The following DEGS2 variants were observed in gnomAD, a reference collection of about 807,000 sequenced individuals.
DEGS2 encodes the protein delta 4-desaturase, sphingolipid 2.
A neutral mutation model predicts 23.8 loss-of-function variants in DEGS2; 19 were observed. That is an observed-to-expected ratio of 0.80 (90% confidence interval 0.56 to 1.17). The LOEUF (loss-of-function observed/expected upper bound fraction) is 1.17. Ranked by LOEUF, DEGS2 falls within the 50% of genes most tolerant of loss-of-function variation. The probability of loss-of-function intolerance (pLI) is 0.00; values close to 1 mark genes in which losing one functional copy is unlikely to be tolerated. For synonymous variants in DEGS2, 218 were observed against 213.7 expected (o/e 1.02, Z -0.18); for missense variants, 390 against 459.5 (o/e 0.85, Z 1.38).
At chr14:100,162,372 A>AAAAT (rs146229259), upstream of DEGS2, among the ~76,000 whole-genome samples, 1 of 150,748 alleles carries the variant, frequency 6.6e-6, no homozygotes, top group East Asian at 2.0e-4. Context: ...AAAAATAAAT[A>AAAAT]AAATAAATAA....
chr14:100,162,489 G>A (rs73349596), upstream of DEGS2, among the ~76,000 whole-genome samples: 1 of 152,164 alleles, frequency 6.6e-6, no homozygotes, highest in African/African-American at 2.4e-5. Context: ...GGCTGGTCTT[G>A]AACTCCTGGA....
upstream of DEGS2, chr14:100,159,664 C>A: frequency 2.1e-6 from 2 of 973,148 alleles, no homozygotes; most frequent in Non-Finnish European, 1.4e-6. Flanking sequence ...CGGCGCGGAA[C>A]CAGCTCTGAT....
rs1595272708 is a variant in DEGS2, at chr14:100,146,502, A to T, written c.*259T>A. 2.1e-6 allele frequency: 1 copy of T among 476,564 alleles called. No homozygotes were observed. Among genetic ancestry groups the T allele is most frequent in the East Asian group, 3.9e-5 (1 of 25,474 alleles). The allele number at this position is 476,564 out of a possible 1,614,324, so 29.5% of individuals were successfully genotyped here. ...TGGGAACCGTGGGCTCAGAGCACCC[A>T]GGTCATGGTGGGGCAGGGCCAGGCC... is the stretch of plus-strand genomic sequence containing the variant. On this transcript the variant is annotated 3_prime_UTR_variant, in exon 3 of 3. Transcript: ENST00000305631.
chr14:100,153,595 G>A (rs541570923), intron 1 of DEGS2, among the ~76,000 whole-genome samples: 1 of 152,338 alleles, frequency 6.6e-6, no homozygotes, highest in Admixed American at 6.5e-5. Flanking sequence ...GGCCCAGCCT[G>A]GGAACTCTGT....
chr14:100,149,604 C>G lies in DEGS2; in HGVS notation c.189G>C (p.Gly63=). 1 of 1,610,492 alleles carries G rather than the reference C, an allele frequency of 6.2e-7. No homozygotes were observed. Among genetic ancestry groups the G allele is most frequent in the Non-Finnish European group, 8.5e-7 (1 of 1,179,292 alleles). ...AGAACAGCAGCCAGCGCCAGGCCAGCCCGCGCACCAGCCAGCAGGCCAGCA... is the reference window on the plus strand; with the variant it reads ...AGAACAGCAGCCAGCGCCAGGCCAGGCCGCGCACCAGCCAGCAGGCCAGCA... ...VQMLACWLVR[G]LAWRWLLFWA... The change falls in exon 2 of 3, where the codon GGG becomes GGC. Residue 63 remains glycine (G), a synonymous_variant. Transcript: ENST00000305631.
chr14:100,157,166 CACACCTACTCTGCCTGGTAGGACG>C (rs920074296), intron 1 of DEGS2, among the ~76,000 whole-genome samples: 11 of 152,226 alleles, frequency 7.2e-5, no homozygotes, highest in Admixed American at 7.2e-4. Flanking sequence ...ATCTCATCCT[CACACCTACTCTGCCTGGTAGGACG>C]ACTGCCCGTT....
chr14:100,159,564 G>A lies in DEGS2; in HGVS notation c.24C>T (p.Ser8=), dbSNP rs1483606053. 3 of 1,505,264 alleles carry A rather than the reference G, an allele frequency of 2.0e-6. No homozygotes were observed. Among genetic ancestry groups the A allele is most frequent in the Non-Finnish European group, 2.7e-6 (3 of 1,128,632 alleles). The allele number at this position is 1,505,264 out of a possible 1,614,324, so 93.2% of individuals were successfully genotyped here. ...GGTCGGTGTAGACCCACTCGAAGTC[G>A]CTGCGGCTCGCGCTGTTGCCCATGG... MGNSASR[S]DFEWVYTDQP... is the part of the protein sequence containing the mutation. Residue 8 remains serine, a synonymous_variant, in exon 1 of 3, where the codon AGC becomes AGT. Coordinates refer to ENST00000305631, the MANE Select transcript of DEGS2 (RefSeq NM_206918.3).
At chr14:100,156,808 G>A (rs1181473545) in intron 1 of DEGS2, among the ~76,000 whole-genome samples, 1 of 108,254 alleles carries the variant, frequency 9.2e-6, no homozygotes, top group Non-Finnish European at 1.9e-5. Flanking sequence ...GGCAGAGCAG[G>A]GAGGAGGGAC....
At chr14:100,162,719 A>T (rs1028786979), upstream of DEGS2, among the ~76,000 whole-genome samples, 10 of 151,964 alleles carry the variant, frequency 6.6e-5, no homozygotes, top group African/African-American at 2.4e-4. Flanking sequence ...CTCCCTCCAC[A>T]CCCCCATTTC....
upstream of DEGS2, among the ~76,000 whole-genome samples, chr14:100,161,582 G>A (rs1889747008): frequency 6.6e-6 from 1 of 152,146 alleles, no homozygotes; most frequent in South Asian, 2.1e-4. Flanking sequence ...GCAGAAAAAG[G>A]ACATTAGGTA....
chr14:100,163,779 G>A (rs1889775794), upstream of DEGS2, among the ~76,000 whole-genome samples: 3 of 152,148 alleles, frequency 2.0e-5, no homozygotes, highest in South Asian at 6.2e-4. Flanking sequence ...AAGTGCAGTG[G>A]TGCAGTCTCA....
At chr14:100,159,840 CAGGACCG>C (rs1168671446), upstream of DEGS2, 1 of 288,690 alleles carries the variant, frequency 3.5e-6, no homozygotes, top group Non-Finnish European at 6.4e-6. Flanking sequence ...GGCTCCCCGG[CAGGACCG>C]AGGTGGCCGC....
In DEGS2 at chr14:100,159,549, G is replaced by C; in HGVS notation, c.39C>G (p.Val13=). The change falls in exon 1 of 3, where the codon GTC becomes GTG. Residue 13 remains valine (V), a synonymous_variant. Transcript: ENST00000305631. ...NSASRSDFEW[V]YTDQPHTQRR... ...GCTGCGTGTGCGGCTGGTCGGTGTAGACCCACTCGAAGTCGCTGCGGCTCG... is the reference window on the plus strand; with the variant it reads ...GCTGCGTGTGCGGCTGGTCGGTGTACACCCACTCGAAGTCGCTGCGGCTCG... 1.3e-6 allele frequency: 2 copies of C among 1,509,566 alleles called. No individual in the cohort carries two copies. The highest frequency in any genetic ancestry group is 1.8e-6 in the Non-Finnish European group (2 of 1,130,754). 93.5% of individuals were successfully genotyped at this position (1,509,566 alleles called of 1,614,324 possible).
chr14:100,160,725 G>A (rs182933313), upstream of DEGS2, among the ~76,000 whole-genome samples: 92 of 152,348 alleles, frequency 6.0e-4, no homozygotes, highest in Non-Finnish European at 8.7e-4. Flanking sequence ...TCCATGGCCC[G>A]GGGTTTGGTA....
intron 1 of DEGS2, among the ~76,000 whole-genome samples, chr14:100,150,387 A>ACCCCCCCCCCCCCCCCCC (rs778863717): frequency 1.1e-5 from 1 of 92,274 alleles, no homozygotes. Context: ...CCACCCCAAC[A>ACCCCCCCCCCCCCCCCCC]CCCCCCCCCG....
intron 1 of DEGS2, among the ~76,000 whole-genome samples, chr14:100,150,113 A>G (rs1447453530): frequency 6.6e-6 from 1 of 152,218 alleles, no homozygotes; most frequent in East Asian, 1.9e-4. Context: ...CAGCGCCCGC[A>G]GCAAAGTGGT....
chr14:100,162,121 GTGGAT>G (rs1889756052), upstream of DEGS2, among the ~76,000 whole-genome samples: 1 of 151,566 alleles, frequency 6.6e-6, no homozygotes, highest in Non-Finnish European at 1.5e-5. Context: ...GCCGAGGCAG[GTGGAT>G]CACGAGGTCA....
chr14:100,150,523 G>A (rs996995191), intron 1 of DEGS2, among the ~76,000 whole-genome samples: 11 of 152,214 alleles, frequency 7.2e-5, no homozygotes, highest in African/African-American at 2.4e-4. Context: ...CTCTGGGGAG[G>A]GCCAGCCCAG....
chr14:100,148,115 A>G (rs1399841762), intron 2 of DEGS2, among the ~76,000 whole-genome samples: 1 of 152,174 alleles, frequency 6.6e-6, no homozygotes, highest in African/African-American at 2.4e-5. Flanking sequence ...GTGCACACGC[A>G]TACAGGGACG....
Sources: allele counts gnomAD v4.1 joint callset (sites outside exome capture counted in the v4.1 genomes callset), GRCh38; gene constraint gnomAD v4.1.1; transcripts MANE v1.5; gene names NCBI Gene and HGNC (gene_info 2026-07-23, HGNC 2026-07-21).